Variants in BMAL1 observed in about 807,000 individuals in gnomAD.
The protein encoded by BMAL1 is basic helix-loop-helix ARNT like 1.
chr11:13,347,188 T>A, the BMAL1 span, among the ~76,000 whole-genome samples: 1 of 151,374 alleles, frequency 6.6e-6, no homozygotes, highest in African/African-American at 2.4e-5. Flanking sequence ...AGTCCAGGAG[T>A]CTGGGCAGCA....
chr11:13,363,881 T>C, the BMAL1 span, among the ~76,000 whole-genome samples: 1 of 152,176 alleles, frequency 6.6e-6, no homozygotes, highest in Non-Finnish European at 1.5e-5. Context: ...CCTTCACAGA[T>C]GGTCTGCTGG....
At chr11:13,364,702 T>C in the BMAL1 span, among the ~76,000 whole-genome samples, 1 of 152,214 alleles carries the variant, frequency 6.6e-6, no homozygotes, top group Non-Finnish European at 1.5e-5. Context: ...CTTGGGTATT[T>C]ACCTGCTTCA....
chr11:13,368,848 G>A, the BMAL1 span, among the ~76,000 whole-genome samples: 1 of 152,122 alleles, frequency 6.6e-6, no homozygotes, highest in Non-Finnish European at 1.5e-5. Flanking sequence ...CTGGTAGCCA[G>A]ACTTTAAAAA....
chr11:13,325,993 A>G, the BMAL1 span, among the ~76,000 whole-genome samples: 1 of 151,894 alleles, frequency 6.6e-6, no homozygotes, highest in Admixed American at 6.6e-5. Flanking sequence ...TCATGAGGTC[A>G]GGAGATTGAT....
At chr11:13,326,850 C>T in the BMAL1 span, among the ~76,000 whole-genome samples, 7 of 151,612 alleles carry the variant, frequency 4.6e-5, no homozygotes, top group South Asian at 2.1e-4. Context: ...GACAGAGTCT[C>T]GCTCTGTCGC....
chr11:13,346,444 T>C, the BMAL1 span, among the ~76,000 whole-genome samples: 2 of 152,140 alleles, frequency 1.3e-5, no homozygotes, highest in Non-Finnish European at 2.9e-5. Context: ...ATGGTCGGTA[T>C]GGGTTTCTTA....
the BMAL1 span, chr11:13,385,691 T>C: frequency 6.2e-7 from 1 of 1,610,236 alleles, no homozygotes; most frequent in Non-Finnish European, 8.5e-7. Flanking sequence ...GTTTGTAGAT[T>C]TTAAATGGAG....
chr11:13,312,574 GA>G, the BMAL1 span, among the ~76,000 whole-genome samples: 4 of 152,240 alleles, frequency 2.6e-5, no homozygotes, highest in Non-Finnish European at 5.9e-5. Context: ...GGCTTGGAAA[GA>G]AAATAGCGCT....
chr11:13,381,173 A>ATCGCCT, the BMAL1 span: 1 of 1,614,190 alleles, frequency 6.2e-7, no homozygotes, highest in Non-Finnish European at 8.5e-7. Flanking sequence ...TAAGAGGGTC[A>ATCGCCT]TCGCCTTCTA....
At chr11:13,368,067 TG>T in the BMAL1 span, among the ~76,000 whole-genome samples, 1 of 152,262 alleles carries the variant, frequency 6.6e-6, no homozygotes, top group Non-Finnish European at 1.5e-5. Context: ...ATGCAGACTT[TG>T]GTATCTGTTG....
the BMAL1 span, among the ~76,000 whole-genome samples, chr11:13,324,569 C>T: frequency 6.6e-6 from 1 of 152,214 alleles, no homozygotes; most frequent in Non-Finnish European, 1.5e-5. Context: ...TGTCCTACCT[C>T]GCTTTGGTTT....
At chr11:13,365,674 A>G in the BMAL1 span, 5 of 1,130,946 alleles carry the variant, frequency 4.4e-6, no homozygotes, top group African/African-American at 7.7e-5. Flanking sequence ...TAATTATAGT[A>G]TACAAGTCAC....
At chr11:13,366,638 G>C in the BMAL1 span, 1 of 1,573,902 alleles carries the variant, frequency 6.4e-7, no homozygotes, top group Non-Finnish European at 8.7e-7. Context: ...CAATTGACTT[G>C]TCATGTTTAA....
the BMAL1 span, among the ~76,000 whole-genome samples, chr11:13,340,311 C>T: frequency 6.6e-6 from 1 of 152,320 alleles, no homozygotes; most frequent in Non-Finnish European, 1.5e-5. Flanking sequence ...CAGCAGCTGT[C>T]ACCCTGCTGG....
chr11:13,346,755 G>T, the BMAL1 span, among the ~76,000 whole-genome samples: 1 of 152,130 alleles, frequency 6.6e-6, no homozygotes, highest in South Asian at 2.1e-4. Flanking sequence ...CTCACCTTTG[G>T]GACTCTCTAG....
chr11:13,373,969 C>G, the BMAL1 span: 4 of 722,314 alleles, frequency 5.5e-6, no homozygotes, highest in Non-Finnish European at 9.3e-6. Context: ...GAAAATCCAT[C>G]CAGCTCTTTT....
At chr11:13,311,319 G>GT in the BMAL1 span, among the ~76,000 whole-genome samples, 743 of 152,298 alleles carry the variant, frequency 4.9e-3, 8 homozygotes, top group African/African-American at 0.017. Flanking sequence ...GGGAATATGC[G>GT]TAACTGTGGG....
At chr11:13,297,056 T>C in the BMAL1 span, among the ~76,000 whole-genome samples, 1 of 152,190 alleles carries the variant, frequency 6.6e-6, no homozygotes, top group Non-Finnish European at 1.5e-5. Context: ...TCCTCTTACA[T>C]AGCCACAGCG....
the BMAL1 span, among the ~76,000 whole-genome samples, chr11:13,283,501 C>G: frequency 6.6e-6 from 1 of 152,120 alleles, no homozygotes; most frequent in Non-Finnish European, 1.5e-5. Flanking sequence ...TTATAAACTG[C>G]CCAAGGTCAC....
Sources: allele counts gnomAD v4.1 joint callset (sites outside exome capture counted in the v4.1 genomes callset), GRCh38; gene constraint gnomAD v4.1.1; transcripts MANE v1.5; gene names NCBI Gene and HGNC (gene_info 2026-07-23, HGNC 2026-07-21).